The following SFMBT1 variants were observed in gnomAD, a reference collection of about 807,000 sequenced individuals.
SFMBT1 encodes scm-like with four MBT domains protein 1.
Under a neutral mutation model 108.7 loss-of-function variants are expected in SFMBT1, and 32 were observed. The observed-to-expected ratio is 0.29, with a 90% confidence interval of 0.22 to 0.40. SFMBT1 has a LOEUF of 0.40. Among genes scored for constraint, SFMBT1 ranks in the 10% least tolerant of loss-of-function variants. SFMBT1 has a pLI of 1.00. For synonymous variants in SFMBT1, 348 were observed against 369.5 expected (o/e 0.94, Z 0.67); for missense variants, 816 against 1,059.6 (o/e 0.77, Z 3.19).
rs1702694497 is a variant in SFMBT1, at chr3:52,927,566, A to AGAG, written c.1048+624_1048+625insCTC. Among the ~76,000 whole-genome samples the AGAG allele has an allele frequency of 2.6e-5, 4 of 152,250 alleles. 1 individual carries two copies. Among genetic ancestry groups the AGAG allele is most frequent in the Admixed American group, 2.6e-4 (4 of 15,282 alleles). The stretch of plus-strand genomic sequence containing the variant: ...ACATCTGACATATTCTAGATTCTCT[A>AGAG]AGTTTAAAAATATTAAAAATTTCAG... On this transcript the variant is annotated intron_variant, in intron 9 of 20. Coordinates refer to ENST00000394752, the MANE Select transcript of SFMBT1 (RefSeq NM_016329.4).
At chr3:52,953,305 T>C (rs143452360) in intron 3 of SFMBT1, among the ~76,000 whole-genome samples, 2 of 152,020 alleles carry the variant, frequency 1.3e-5, no homozygotes, top group African/African-American at 4.8e-5. Flanking sequence ...TACTAAAAAT[T>C]AGCTGGGTGT....
intron 1 of SFMBT1, among the ~76,000 whole-genome samples, chr3:53,031,634 T>G (rs1276869717): frequency 6.6e-6 from 1 of 152,018 alleles, no homozygotes; most frequent in Admixed American, 6.6e-5. Context: ...AAAAAAATAT[T>G]TCTTAATCAT....
At chr3:52,912,102 C>A (rs746146823) in intron 16 of SFMBT1, among the ~76,000 whole-genome samples, 2 of 152,190 alleles carry the variant, frequency 1.3e-5, no homozygotes, top group African/African-American at 4.8e-5. Context: ...TGGGCCTTCA[C>A]CACAAATAGC....
At chr3:52,999,912 G>A (rs1255853981) in intron 1 of SFMBT1, among the ~76,000 whole-genome samples, 2 of 150,034 alleles carry the variant, frequency 1.3e-5, no homozygotes, top group African/African-American at 4.9e-5. Context: ...AGGCTGGAAT[G>A]CAGTGGCACA....
At chr3:52,969,539 C>A (rs1033950267) in intron 1 of SFMBT1, among the ~76,000 whole-genome samples, 1 of 152,108 alleles carries the variant, frequency 6.6e-6, no homozygotes. Context: ...TGAATCATTA[C>A]CCTTTAAATT....
Position 52,969,263 on chromosome 3 carries a change from A to C in SFMBT1, c.-130-5T>G, listed in dbSNP as rs1704261284. 6.6e-7 allele frequency: 1 copy of C among 1,508,780 alleles called. No individual in the cohort carries two copies. The highest frequency in any genetic ancestry group is 8.8e-7 in the Non-Finnish European group (1 of 1,135,030). The allele number at this position is 1,508,780 out of a possible 1,614,324, so 93.5% of individuals were successfully genotyped here. ...CCACGGGTCCAAATGAAAGTGCTGA[A>C]AAATGAAAAAGAACACATTAAACAG... On this transcript the variant is annotated splice_polypyrimidine_tract_variant and splice_region_variant and intron_variant, in intron 1 of 20. Transcript: ENST00000394752.
At chr3:53,004,090 T>C (rs972257771) in intron 1 of SFMBT1, among the ~76,000 whole-genome samples, 1 of 150,030 alleles carries the variant, frequency 6.7e-6, no homozygotes, top group African/African-American at 2.4e-5. Context: ...CATCAAGTAT[T>C]AGATCATATT....
At chr3:53,034,403 C>A (rs1699798174) in intron 1 of SFMBT1, among the ~76,000 whole-genome samples, 1 of 151,596 alleles carries the variant, frequency 6.6e-6, no homozygotes. Context: ...ATGGTGAAAT[C>A]CCATCTCTAC....
intron 1 of SFMBT1, among the ~76,000 whole-genome samples, chr3:53,017,003 T>G (rs1312117365): frequency 1.3e-5 from 2 of 152,254 alleles, no homozygotes; most frequent in African/African-American, 2.4e-5. Flanking sequence ...CTCCAGTGTC[T>G]AGACTTATAT....
intron 3 of SFMBT1, among the ~76,000 whole-genome samples, chr3:52,944,084 T>C (rs1398284884): frequency 6.6e-6 from 1 of 152,218 alleles, no homozygotes; most frequent in Non-Finnish European, 1.5e-5. Context: ...TAATAATTAA[T>C]AACATCCCCC....
intron 1 of SFMBT1, among the ~76,000 whole-genome samples, chr3:52,973,882 C>G (rs1704430778): frequency 6.6e-6 from 1 of 152,316 alleles, no homozygotes; most frequent in South Asian, 2.1e-4. Context: ...GCCCTCCCAT[C>G]TTGTTTTATA....
At chr3:53,029,474 G>A (rs977127166) in intron 1 of SFMBT1, among the ~76,000 whole-genome samples, 2 of 152,118 alleles carry the variant, frequency 1.3e-5, no homozygotes, top group African/African-American at 4.8e-5. Flanking sequence ...CAGAACAGGA[G>A]CAGCATTTTT....
chr3:52,941,867 C>T (rs1434168545), intron 4 of SFMBT1, among the ~76,000 whole-genome samples: 5 of 152,128 alleles, frequency 3.3e-5, no homozygotes, highest in Admixed American at 2.6e-4. Flanking sequence ...CCACTGCACT[C>T]CAGCCTGGCT....
chr3:53,026,740 C>T (rs1172497810), intron 1 of SFMBT1, among the ~76,000 whole-genome samples: 1 of 152,140 alleles, frequency 6.6e-6, no homozygotes, highest in Non-Finnish European at 1.5e-5. Flanking sequence ...AGAACCTCAA[C>T]AAAATTAAAT....
intron 16 of SFMBT1, 64 bp from the exon 17 acceptor site, chr3:52,911,242 A>G (rs920462045): frequency 3.4e-6 from 5 of 1,450,404 alleles, no homozygotes; most frequent in Non-Finnish European, 3.7e-6. Flanking sequence ...GAAAAATCAA[A>G]CATATTAATA....
intron 1 of SFMBT1, among the ~76,000 whole-genome samples, chr3:53,040,095 C>G (rs963464256): frequency 7.2e-5 from 11 of 151,966 alleles, no homozygotes; most frequent in Non-Finnish European, 1.6e-4. Context: ...TTAGAAGAAC[C>G]GATCCTTAAG....
intron 1 of SFMBT1, among the ~76,000 whole-genome samples, chr3:52,982,814 G>A (rs146807648): frequency 2.8e-5 from 4 of 145,434 alleles, no homozygotes; most frequent in Non-Finnish European, 3.0e-5. Context: ...ATTAACAGAA[G>A]ACGACTTGAT....
At chr3:52,977,323 A>C (rs1443825818) in intron 1 of SFMBT1, among the ~76,000 whole-genome samples, 4 of 152,102 alleles carry the variant, frequency 2.6e-5, no homozygotes, top group African/African-American at 9.7e-5. Flanking sequence ...AGCCTGAAAA[A>C]CATGGTGAAA....
chr3:53,039,917 A>G lies in SFMBT1; in HGVS notation c.-131+5899T>C, dbSNP rs190163837. On this transcript the variant is annotated intron_variant, in intron 1 of 20. Transcript: ENST00000394752. Reference sequence around the variant, plus strand: ...TAATAAAAATTTATATCCTCATTATATATCACTATGTTCTAGACAGGCAAT... The same window carrying G: ...TAATAAAAATTTATATCCTCATTATGTATCACTATGTTCTAGACAGGCAAT... Among the ~76,000 whole-genome samples, 223 of 152,296 alleles carry G rather than the reference A, an allele frequency of 1.5e-3. 2 individuals carry two copies. Among genetic ancestry groups the G allele is most frequent in the Non-Finnish European group, 2.5e-3 (169 of 68,030 alleles).
Sources: gnomAD v4.1 joint callset for allele counts (sites outside exome capture counted in the v4.1 genomes callset) on GRCh38, gnomAD v4.1.1 for gene constraint, MANE v1.5 for transcripts, NCBI Gene and HGNC (gene_info 2026-07-23, HGNC 2026-07-21) for gene names.